The following SYNRG variants were observed in gnomAD, a reference collection of about 807,000 sequenced individuals.
SYNRG encodes synergin gamma, also known as AP1 gamma subunit binding protein 1.
A neutral mutation model predicts 130.9 loss-of-function variants in SYNRG; 37 were observed. The ratio of observed to expected loss-of-function variants is 0.28; its 90% CI spans 0.22 to 0.37. SYNRG has a LOEUF of 0.37. SYNRG is among the 10% of genes least tolerant of loss of function. The pLI is 1.00. For synonymous variants in SYNRG, 539 were observed against 568.1 expected, an observed-to-expected ratio of 0.95 and a Z score of 0.73; for missense variants, 1,338 against 1,588.9, an observed-to-expected ratio of 0.84 and a Z score of 2.68.
At chr17:37,593,711 C>T (rs1012831211) in intron 3 of SYNRG, among the ~76,000 whole-genome samples, 2 of 151,970 alleles carry the variant, frequency 1.3e-5, no homozygotes, top group Non-Finnish European at 2.9e-5. Context: ...ATGGCGAAAC[C>T]CCATCTCTAC....
chr17:37,551,305 G>T (rs1052990854), intron 14 of SYNRG, among the ~76,000 whole-genome samples: 1 of 152,152 alleles, frequency 6.6e-6, no homozygotes, highest in Non-Finnish European at 1.5e-5. Context: ...GCAATATAGC[G>T]CATTGGTCAG....
chr17:37,589,754 A>G lies in SYNRG; in HGVS notation c.241-3205T>C, dbSNP rs540953347. Among the ~76,000 whole-genome samples the G allele has an allele frequency of 1.3e-3, 189 of 145,976 alleles. 2 individuals carry two copies. In the East Asian group the frequency reaches 0.02, roughly 15 times the overall value. On this transcript the variant is annotated intron_variant, in intron 3 of 21. Coordinates refer to ENST00000612223, the MANE Select transcript of SYNRG (RefSeq NM_007247.6). ...ACAGCAAGACTCTGACTCAAAAAGG[A>G]AAAAAAAAAAGGCTATTTATAAATG...
chr17:37,554,159 C>A, intron 13 of SYNRG, 100 bp from the exon 14 acceptor site: 6 of 1,062,116 alleles, frequency 5.6e-6, no homozygotes, highest in South Asian at 3.2e-5. Context: ...TGACTTTTCT[C>A]CACTGACTTG....
chr17:37,536,707 T>C (rs764605940), intron 18 of SYNRG: 3 of 152,358 alleles, frequency 2.0e-5, no homozygotes, highest in Non-Finnish European at 4.4e-5. Flanking sequence ...ACAAACACTT[T>C]GACTTCACTT....
chr17:37,602,734 C>T (rs2063399275), intron 1 of SYNRG, among the ~76,000 whole-genome samples: 1 of 151,874 alleles, frequency 6.6e-6, no homozygotes, highest in African/African-American at 2.4e-5. Context: ...CGCGAAGGAG[C>T]AAAAGGGGGC....
intron 19 of SYNRG, among the ~76,000 whole-genome samples, chr17:37,522,133 C>CTACACACACACACACACACACA (rs770341389): frequency 2.8e-5 from 1 of 35,380 alleles, no homozygotes; most frequent in African/African-American, 1.9e-4. Context: ...ATCTAATTCA[C>CTACACACACACACACACACACA]TACACACACA....
intron 13 of SYNRG, among the ~76,000 whole-genome samples, chr17:37,555,917 TA>T (rs1242980894): frequency 6.6e-6 from 1 of 151,468 alleles, no homozygotes; most frequent in South Asian, 2.1e-4. Context: ...AAAATAAAAA[TA>T]AAAAAACAAA....
intron 8 of SYNRG, among the ~76,000 whole-genome samples, chr17:37,574,531 TAAG>T (rs1190684872): frequency 9.9e-5 from 15 of 152,104 alleles, no homozygotes; most frequent in Middle Eastern, 3.4e-3. Context: ...CCAAAATATA[TAAG>T]AAGCTCAAAC....
At chr17:37,603,014 C>A (rs1269556837) in intron 1 of SYNRG, among the ~76,000 whole-genome samples, 5 of 152,020 alleles carry the variant, frequency 3.3e-5, no homozygotes, top group Non-Finnish European at 7.4e-5. Flanking sequence ...GACAGAATGA[C>A]AGAAGGAGAC....
chr17:37,580,038 G>C (rs1363996321), intron 6 of SYNRG, among the ~76,000 whole-genome samples: 1 of 151,990 alleles, frequency 6.6e-6, no homozygotes, highest in Non-Finnish European at 1.5e-5. Context: ...TTTTGCAGTT[G>C]AAATGATCTG....
intron 13 of SYNRG, among the ~76,000 whole-genome samples, chr17:37,557,446 A>G (rs927546712): frequency 2.6e-5 from 4 of 152,228 alleles, no homozygotes; most frequent in African/African-American, 9.6e-5. Flanking sequence ...AATATATCAC[A>G]CCATTTAGGA....
chr17:37,540,041 C>G (rs1363269613), intron 16 of SYNRG, among the ~76,000 whole-genome samples: 1 of 152,162 alleles, frequency 6.6e-6, no homozygotes, highest in African/African-American at 2.4e-5. Flanking sequence ...ATAAAAAATT[C>G]AGAATATTTT....
chr17:37,561,359 G>T, intron 12 of SYNRG, 102 bp from the exon 13 acceptor site: 2 of 1,416,614 alleles, frequency 1.4e-6, no homozygotes, highest in South Asian at 2.3e-5. Context: ...TTAACATGTG[G>T]TATACAGGCA....
intron 19 of SYNRG, among the ~76,000 whole-genome samples, chr17:37,528,481 ATAG>A (rs1410321485): frequency 6.6e-6 from 1 of 152,224 alleles, no homozygotes; most frequent in East Asian, 1.9e-4. Flanking sequence ...AGTAATAGTA[ATAG>A]TAGTAGTATG....
intron 19 of SYNRG, among the ~76,000 whole-genome samples, chr17:37,533,277 T>C (rs1219844705): frequency 6.6e-6 from 1 of 152,062 alleles, no homozygotes; most frequent in Non-Finnish European, 1.5e-5. Context: ...GGCGCATGCC[T>C]GTAATCCCAG....
At chr17:37,548,087 C>T (rs1159594830) in intron 14 of SYNRG, among the ~76,000 whole-genome samples, 1 of 152,184 alleles carries the variant, frequency 6.6e-6, no homozygotes, top group African/African-American at 2.4e-5. Context: ...TCATTTTCTG[C>T]AGCCTGCTCA....
intron 4 of SYNRG, among the ~76,000 whole-genome samples, chr17:37,586,183 A>C (rs2061677050): frequency 6.6e-6 from 1 of 152,124 alleles, no homozygotes; most frequent in Non-Finnish European, 1.5e-5. Flanking sequence ...TTGTAGAGAC[A>C]GGGTTTTACC....
chr17:37,559,247 A>G (rs2059344657), intron 13 of SYNRG, among the ~76,000 whole-genome samples: 2 of 152,194 alleles, frequency 1.3e-5, no homozygotes, highest in South Asian at 4.1e-4. Flanking sequence ...CTGCTTTGTG[A>G]TATGTAGCAG....
chr17:37,596,473 G>A, intron 2 of SYNRG, 129 bp from the exon 3 acceptor site: 1 of 898,560 alleles, frequency 1.1e-6, no homozygotes. Flanking sequence ...GGTCCTGAGT[G>A]AGACAGATGT....
Sources: allele counts gnomAD v4.1 joint callset (sites outside exome capture counted in the v4.1 genomes callset), GRCh38; gene constraint gnomAD v4.1.1; transcripts MANE v1.5; gene names NCBI Gene and HGNC (gene_info 2026-07-23, HGNC 2026-07-21).